PLCXD3: variants seen among roughly 807,000 people sequenced by gnomAD.
PLCXD3 encodes phosphatidylinositol specific phospholipase C X domain containing 3, also known as PI-PLC X domain-containing protein 3.
PLCXD3 carries 19 observed loss-of-function variants against 25.5 expected under a neutral mutation model. The observed-to-expected ratio is 0.75, with a 90% CI of 0.52 to 1.09. The LOEUF (loss-of-function observed/expected upper bound fraction) is 1.09. Among genes scored for constraint, PLCXD3 ranks in the 50% least tolerant of loss-of-function variants. PLCXD3 has a pLI of 0.00. For synonymous variants in PLCXD3, 174 were observed against 137.6 expected, an observed-to-expected ratio of 1.26 and a Z score of -1.85; for missense variants, 411 against 388.1, an observed-to-expected ratio of 1.06 and a Z score of -0.50.
At chr5:41,366,077 T>A (rs886379246) in intron 2 of PLCXD3, among the ~76,000 whole-genome samples, 2 of 152,124 alleles carry the variant, frequency 1.3e-5, no homozygotes, top group Non-Finnish European at 2.9e-5. Flanking sequence ...TATCTCCTAA[T>A]GCTATCCCTC....
chr5:41,348,245 T>C (rs1168493888), intron 2 of PLCXD3, among the ~76,000 whole-genome samples: 1 of 152,158 alleles, frequency 6.6e-6, no homozygotes, highest in South Asian at 2.1e-4. Flanking sequence ...CTAATAGACG[T>C]TCTAAATGGA....
chr5:41,367,816 A>G (rs945950422), intron 2 of PLCXD3, among the ~76,000 whole-genome samples: 4 of 152,128 alleles, frequency 2.6e-5, no homozygotes, highest in Non-Finnish European at 5.9e-5. Flanking sequence ...TGATTTTTGT[A>G]TATGGCGTAA....
At chr5:41,433,609 T>C (rs1273957239) in intron 1 of PLCXD3, among the ~76,000 whole-genome samples, 3 of 152,090 alleles carry the variant, frequency 2.0e-5, no homozygotes, top group Non-Finnish European at 1.5e-5. Context: ...ACAGGAGAAA[T>C]GAGACCTGAG....
chr5:41,399,887 A>C (rs1746125357), intron 1 of PLCXD3, among the ~76,000 whole-genome samples: 2 of 152,090 alleles, frequency 1.3e-5, no homozygotes. Context: ...CAAAAACAGC[A>C]ATCAACAAAC....
chr5:41,382,661 T>A, intron 1 of PLCXD3, 127 bp from the exon 2 acceptor site: 2 of 720,474 alleles, frequency 2.8e-6, no homozygotes, highest in Non-Finnish European at 2.2e-6. Flanking sequence ...AATGTAATAC[T>A]AGTTATTTTT....
chr5:41,479,208 T>C (rs758462541), intron 1 of PLCXD3, among the ~76,000 whole-genome samples: 3 of 152,174 alleles, frequency 2.0e-5, no homozygotes, highest in East Asian at 1.9e-4. Context: ...TCCAGACCCA[T>C]GCAAAGTGAA....
chr5:41,457,372 T>C (rs902176323), intron 1 of PLCXD3, among the ~76,000 whole-genome samples: 1 of 151,928 alleles, frequency 6.6e-6, no homozygotes, highest in Non-Finnish European at 1.5e-5. Flanking sequence ...CTGTGGTAGA[T>C]ATAGTTAGCT....
chr5:41,369,503 C>T lies in PLCXD3; in HGVS notation c.812+12323G>A, dbSNP rs541219913. On this transcript the variant is annotated intron_variant, in intron 2 of 2. Coordinates refer to ENST00000377801, the MANE Select transcript of PLCXD3 (RefSeq NM_001005473.3). ...TTTTGGTTGGTTGTTTTTTCTTAGACAGGGTCTTGCTCTGTCACCCAGGCT... is the reference window on the plus strand; with the variant it reads ...TTTTGGTTGGTTGTTTTTTCTTAGATAGGGTCTTGCTCTGTCACCCAGGCT... Among the ~76,000 whole-genome samples the T allele has an allele frequency of 4.0e-3, 608 of 152,154 alleles. 5 individuals carry two copies. Among genetic ancestry groups the T allele is most frequent in the African/African-American group, 0.014 (588 of 41,516 alleles).
At chr5:41,490,673 G>T (rs1392356495) in intron 1 of PLCXD3, among the ~76,000 whole-genome samples, 2 of 152,150 alleles carry the variant, frequency 1.3e-5, no homozygotes, top group African/African-American at 4.8e-5. Flanking sequence ...GAGGGTGTAT[G>T]TGTCGAGGAA....
chr5:41,366,064 G>T (rs950777602), intron 2 of PLCXD3, among the ~76,000 whole-genome samples: 2 of 151,794 alleles, frequency 1.3e-5, no homozygotes, highest in African/African-American at 4.8e-5. Context: ...TTTATATTAG[G>T]CATATCTCCT....
At chr5:41,313,857 A>G (rs1178467331) in intron 2 of PLCXD3, 87 bp from the exon 3 acceptor site, 1 of 1,405,546 alleles carries the variant, frequency 7.1e-7, no homozygotes, top group African/African-American at 1.5e-5. Flanking sequence ...TTTAGTTTCT[A>G]GCTTATTAAA....
rs542307232 is a variant in PLCXD3, at chr5:41,361,581, TA to T, written c.812+20244del. ...TCCCTAATATCCACTTTGGGCTACT[TA>T]AACCCCACAAAAAACATGAACAAAG... is the stretch of plus-strand genomic sequence containing the variant. On this transcript the variant is annotated intron_variant, in intron 2 of 2. Transcript: ENST00000377801. Among the ~76,000 whole-genome samples the T allele has an allele frequency of 4.9e-3, 744 of 152,238 alleles. 5 individuals are homozygous for T. Among genetic ancestry groups the T allele is most frequent in the Non-Finnish European group, 7.5e-3 (509 of 68,016 alleles).
intron 2 of PLCXD3, among the ~76,000 whole-genome samples, chr5:41,332,758 A>G (rs955732565): frequency 5.7e-4 from 86 of 152,120 alleles, no homozygotes; most frequent in Non-Finnish European, 1.1e-3. Flanking sequence ...GGAATACTAT[A>G]CAGCCATAAA....
At chr5:41,490,480 C>G (rs1271114647) in intron 1 of PLCXD3, among the ~76,000 whole-genome samples, 1 of 152,068 alleles carries the variant, frequency 6.6e-6, no homozygotes, top group Non-Finnish European at 1.5e-5. Context: ...CCCTCTTTTT[C>G]TATTGTTTGG....
chr5:41,355,004 C>T (rs1275131210), intron 2 of PLCXD3, among the ~76,000 whole-genome samples: 1 of 152,166 alleles, frequency 6.6e-6, no homozygotes, highest in African/African-American at 2.4e-5. Flanking sequence ...TGCTGTCTTA[C>T]CTCCACAGAA....
In PLCXD3 at chr5:41,382,162, A is replaced by T. The variant is rs776718063; in HGVS notation, c.476T>A (p.Val159Asp). 2 of 1,613,690 alleles carry T rather than the reference A, an allele frequency of 1.2e-6. No homozygotes were observed. The highest frequency in any genetic ancestry group is 1.7e-4 in the Middle Eastern group (1 of 6,054). Residue 159 changes from valine (V) to aspartate (D), a missense_variant, in exon 2 of 3, where the codon GTC becomes GAC. Transcript: ENST00000377801. ...GMQKYHHEKL[V>D]QMLKDIYGNK... ...TCCATAGATGTCTTTCAGCATTTGGACCAGTTTTTCATGGTGATATTTCTG... is the reference window on the plus strand; with the variant it reads ...TCCATAGATGTCTTTCAGCATTTGGTCCAGTTTTTCATGGTGATATTTCTG...
chr5:41,368,487 A>T (rs1745000818), intron 2 of PLCXD3, among the ~76,000 whole-genome samples: 1 of 152,204 alleles, frequency 6.6e-6, no homozygotes, highest in African/African-American at 2.4e-5. Context: ...ACAAACAAAG[A>T]TAGTTTGACT....
chr5:41,505,565 C>T (rs1349632732), intron 1 of PLCXD3, among the ~76,000 whole-genome samples: 1 of 152,116 alleles, frequency 6.6e-6, no homozygotes, highest in Non-Finnish European at 1.5e-5. Flanking sequence ...GGAGCTGGTC[C>T]TGTGCACCAC....
At chr5:41,345,479 C>T (rs1026617420) in intron 2 of PLCXD3, among the ~76,000 whole-genome samples, 1 of 152,084 alleles carries the variant, frequency 6.6e-6, no homozygotes, top group Non-Finnish European at 1.5e-5. Context: ...AAGGCAATAA[C>T]TGGAATAGCA....
Sources: gnomAD v4.1 joint callset for allele counts (sites outside exome capture counted in the v4.1 genomes callset) on GRCh38, gnomAD v4.1.1 for gene constraint, MANE v1.5 for transcripts, NCBI Gene and HGNC (gene_info 2026-07-23, HGNC 2026-07-21) for gene names.